CPT1A: variants seen among roughly 807,000 people sequenced by gnomAD.
CPT1A encodes carnitine palmitoyltransferase 1A.
A neutral mutation model predicts 100.8 loss-of-function variants in CPT1A; 64 were observed. The observed-to-expected ratio is 0.63, with a 90% CI of 0.52 to 0.78. The LOEUF (loss-of-function observed/expected upper bound fraction) is 0.78. Ranked by LOEUF, CPT1A falls within the 30% of genes least tolerant of loss-of-function variation. CPT1A has a pLI of 0.00. For synonymous variants in CPT1A, 363 were observed against 396.0 expected, an observed-to-expected ratio of 0.92 and a Z score of 0.99; for missense variants, 802 against 1,034.1, an observed-to-expected ratio of 0.78 and a Z score of 3.08.
intron 14 of CPT1A, among the ~76,000 whole-genome samples, chr11:68,769,511 A>T (rs1035902248): frequency 6.7e-6 from 1 of 149,890 alleles, no homozygotes; most frequent in Non-Finnish European, 1.5e-5. Flanking sequence ...TCAGCCACCC[A>T]AAGTGCTAGG....
downstream of CPT1A, chr11:68,754,747 AT>A: frequency 1.3e-6 from 1 of 773,982 alleles, no homozygotes; most frequent in South Asian, 1.4e-5. Flanking sequence ...AGCCCAGCAC[AT>A]GAACTTGGTG....
chr11:68,770,571 C>T (rs1009133206), intron 14 of CPT1A, among the ~76,000 whole-genome samples: 3 of 152,198 alleles, frequency 2.0e-5, no homozygotes, highest in Non-Finnish European at 4.4e-5. Flanking sequence ...AGCCCCTTGA[C>T]CAAGAGCTCT....
intron 7 of CPT1A, among the ~76,000 whole-genome samples, chr11:68,795,218 A>G (rs970890685): frequency 2.6e-5 from 4 of 152,236 alleles, no homozygotes; most frequent in African/African-American, 9.6e-5. Flanking sequence ...CAATTAGACA[A>G]TCAGGAAGTT....
intron 12 of CPT1A, among the ~76,000 whole-genome samples, chr11:68,776,616 C>A (rs952152484): frequency 6.6e-6 from 1 of 152,116 alleles, no homozygotes; most frequent in Non-Finnish European, 1.5e-5. Context: ...CTGTGACTCA[C>A]GACTGTAATC....
Position 68,766,740 on chromosome 11 carries a change from G to A in CPT1A, c.1741-3979C>T, listed in dbSNP as rs566101715. ...TGACCTCAGGTGATCCATCCGCCTCGGCCTCCCAAACTGCTGGGATTACAG... is the reference window on the plus strand; with the variant it reads ...TGACCTCAGGTGATCCATCCGCCTCAGCCTCCCAAACTGCTGGGATTACAG... On this transcript the variant is annotated intron_variant, in intron 14 of 18. Transcript: ENST00000265641. 8.7e-4 allele frequency among the ~76,000 whole-genome samples: 131 copies of A among 151,216 alleles called. 2 individuals carry two copies. Among genetic ancestry groups the A allele is most frequent in the Admixed American group, 3.2e-3 (49 of 15,168 alleles).
At chr11:68,768,205 A>G (rs1854874284) in intron 14 of CPT1A, among the ~76,000 whole-genome samples, 2 of 149,408 alleles carry the variant, frequency 1.3e-5, no homozygotes, top group African/African-American at 5.0e-5. Context: ...CCTCCCGAGT[A>G]GCTGGGAGTA....
intron 9 of CPT1A, among the ~76,000 whole-genome samples, chr11:68,790,068 CT>C (rs57230674): frequency 1.5e-4 from 22 of 151,546 alleles, no homozygotes. Context: ...GAAGTAGGGT[CT>C]TTTTTTTCTT....
chr11:68,794,664 G>T, intron 8 of CPT1A, 140 bp downstream of exon 8: 1 of 745,676 alleles, frequency 1.3e-6, no homozygotes, highest in Non-Finnish European at 2.3e-6. Context: ...GCCTGCTTTG[G>T]CCTCCCAAAG....
At chr11:68,796,309 C>T (rs962789256) in intron 7 of CPT1A, among the ~76,000 whole-genome samples, 1 of 151,886 alleles carries the variant, frequency 6.6e-6, no homozygotes, top group Non-Finnish European at 1.5e-5. Flanking sequence ...GTAATCCCAG[C>T]ACTTAGGGAG....
At chr11:68,828,318 C>T (rs536755592) in intron 1 of CPT1A, among the ~76,000 whole-genome samples, 3 of 152,362 alleles carry the variant, frequency 2.0e-5, no homozygotes, top group South Asian at 2.1e-4. Flanking sequence ...GGGGGGCATA[C>T]TCCACCACTT....
At chr11:68,796,530 TG>T (rs1566365120) in intron 7 of CPT1A, among the ~76,000 whole-genome samples, 1 of 152,016 alleles carries the variant, frequency 6.6e-6, no homozygotes, top group South Asian at 2.1e-4. Flanking sequence ...CACTCCAGCC[TG>T]GGGGACAAGA....
At chr11:68,763,462 C>G (rs181897878) in intron 14 of CPT1A, among the ~76,000 whole-genome samples, 134 of 152,120 alleles carry the variant, frequency 8.8e-4, no homozygotes, top group African/African-American at 3.1e-3. Context: ...AATTCCACTG[C>G]GTCTGGAAGA....
chr11:68,788,630 T>TTAAAAAA (rs746681111), intron 9 of CPT1A, among the ~76,000 whole-genome samples: 2 of 27,556 alleles, frequency 7.3e-5, no homozygotes, highest in African/African-American at 1.4e-4. Context: ...CAAACAAAAG[T>TTAAAAAA]AAAAAAAAAA....
intron 1 of CPT1A, among the ~76,000 whole-genome samples, chr11:68,833,511 C>T (rs979131113): frequency 1.3e-5 from 2 of 152,246 alleles, no homozygotes; most frequent in Non-Finnish European, 2.9e-5. Context: ...AATCCCAGCA[C>T]TTTGGGAGGC....
chr11:68,768,269 G>A (rs1217374409), intron 14 of CPT1A, among the ~76,000 whole-genome samples: 1 of 151,478 alleles, frequency 6.6e-6, no homozygotes. Flanking sequence ...TAGAGACGGG[G>A]TTTCATCGTG....
intron 12 of CPT1A, among the ~76,000 whole-genome samples, chr11:68,778,748 GGTCAT>G (rs1855211945): frequency 6.6e-6 from 1 of 151,808 alleles, no homozygotes; most frequent in Non-Finnish European, 1.5e-5. Context: ...GAAAAAAGAA[GGTCAT>G]ACATTATGAT....
Position 68,841,804 on chromosome 11 carries a change from A to AGCGGCAGCGGCG in CPT1A, c.-55_-44dup, listed in dbSNP as rs1555235810. 4 of 997,532 alleles carry AGCGGCAGCGGCG rather than the reference A, an allele frequency of 4.0e-6. No individual in the cohort carries two copies. Among genetic ancestry groups the AGCGGCAGCGGCG allele is most frequent in the East Asian group, 2.1e-4 (2 of 9,322 alleles). 61.8% of individuals were successfully genotyped at this position (997,532 alleles called of 1,614,324 possible). On this transcript the variant is annotated 5_prime_UTR_variant, in exon 1 of 19. Transcript: ENST00000265641. This position sits in a 1 kb window ranked among gnomAD's most constrained non-coding sequence, Gnocchi z 6.3. ...TCAGCTACGGAGGTGCGGCAGCGGCAGCGGCAGCGGCGGCGGCGGCGGCGG... is the reference window on the plus strand; with the variant it reads ...TCAGCTACGGAGGTGCGGCAGCGGCAGCGGCAGCGGCGGCGGCAGCGGCGGCGGCGGCGGCGG...
chr11:68,774,243 AT>A (rs570183651), intron 13 of CPT1A, among the ~76,000 whole-genome samples: 13 of 152,150 alleles, frequency 8.5e-5, no homozygotes, highest in African/African-American at 3.1e-4. Context: ...CCACAGTCAA[AT>A]TCGTTCTGAG....
chr11:68,828,247 G>A (rs1856783329), intron 1 of CPT1A, among the ~76,000 whole-genome samples: 1 of 152,190 alleles, frequency 6.6e-6, no homozygotes, highest in Non-Finnish European at 1.5e-5. Context: ...CAAGGCGTCT[G>A]AGTGCCCTGC....
Sources: gnomAD v4.1 joint callset for allele counts (sites outside exome capture counted in the v4.1 genomes callset) on GRCh38, gnomAD v4.1.1 for gene constraint, Gnocchi (gnomAD v3.1) non-coding constraint, MANE v1.5 for transcripts, NCBI Gene and HGNC (gene_info 2026-07-23, HGNC 2026-07-21) for gene names.